Variants in CDC23 observed in about 807,000 individuals in gnomAD.
The protein encoded by CDC23 is cell division cycle 23.
CDC23 carries 26 observed loss-of-function variants against 81.7 expected under a neutral mutation model. The observed-to-expected ratio is 0.32, with a 90% CI of 0.23 to 0.44. The LOEUF (loss-of-function observed/expected upper bound fraction) is 0.44, where lower values mean the gene tolerates loss of function less well. CDC23 is among the 20% of genes least tolerant of loss of function. The pLI is 1.00. For missense variants in CDC23, 519 were observed against 728.0 expected (o/e 0.71, Z 3.30); for synonymous variants, 267 against 270.8 (o/e 0.99, Z 0.14).
At position 138,188,911 on chromosome 5, in the gene CDC23, G is replaced by A. The variant is rs1026259542; in HGVS notation, c.*67C>T. ...CTGAGGTCCTTGGAACAGACGTGCT[G>A]TTCTTTACATGGAGGTAAGGCTTAA... On this transcript the variant is annotated 3_prime_UTR_variant, in exon 16 of 16. Transcript: ENST00000394886. 2.7e-6 allele frequency: 4 copies of A among 1,503,036 alleles called. No individual in the cohort carries two copies. The African/African-American group carries it at 5.5e-5, about 21-fold the overall frequency. The allele number at this position is 1,503,036 out of a possible 1,614,324, so 93.1% of individuals were successfully genotyped here. A position where few individuals can be genotyped will look rare whatever the true frequency, so the allele number is the denominator to read the frequency against.
At chr5:138,200,120 T>C (rs1754969348) in intron 6 of CDC23, among the ~76,000 whole-genome samples, 1 of 152,088 alleles carries the variant, frequency 6.6e-6, no homozygotes, top group Non-Finnish European at 1.5e-5. Context: ...GCCTGAACAA[T>C]TTTTTGTTTG....
At chr5:138,191,961 T>C in intron 11 of CDC23, 24 bp from the exon 12 acceptor site, 1 of 1,603,286 alleles carries the variant, frequency 6.2e-7, no homozygotes, top group Non-Finnish European at 8.5e-7. Context: ...ACAGGCAGTC[T>C]GAGCAAAGAC....
chr5:138,195,805 ATATATACATATATATAATATATAT>A (rs1754897891), intron 9 of CDC23, among the ~76,000 whole-genome samples: 1 of 129,692 alleles, frequency 7.7e-6, no homozygotes, highest in Non-Finnish European at 1.6e-5. Flanking sequence ...ATATGTGTAT[ATATATACATATATATAATATATAT>A]TATATACATA....
intron 2 of CDC23, among the ~76,000 whole-genome samples, chr5:138,207,160 A>C (rs1169145955): frequency 3.9e-5 from 6 of 152,120 alleles, no homozygotes; most frequent in Non-Finnish European, 8.8e-5. Context: ...AATTACAGGT[A>C]TGAGCGACCG....
At chr5:138,212,600 G>A (rs2967787) in intron 2 of CDC23, among the ~76,000 whole-genome samples, 44,985 of 152,058 alleles carry the variant, frequency 0.3, 7,579 homozygotes, top group South Asian at 0.43. Context: ...ACAGGCGTGA[G>A]CCACCGCGCC....
At chr5:138,202,867 T>C (rs1327314071) in intron 3 of CDC23, among the ~76,000 whole-genome samples, 1 of 152,146 alleles carries the variant, frequency 6.6e-6, no homozygotes, top group Non-Finnish European at 1.5e-5. Flanking sequence ...TAACAATGAA[T>C]ACTAAATTTA....
At position 138,195,590 on chromosome 5, in the gene CDC23, AATATATATTATATATG is replaced by A. The variant is rs1561633972; in HGVS notation, c.1012+2593_1012+2608del. Among the ~76,000 whole-genome samples, 387 of 58,568 alleles carry A rather than the reference AATATATATTATATATG, an allele frequency of 6.6e-3. 3 individuals are homozygous for A. The highest frequency in any genetic ancestry group is 0.016 in the African/African-American group (375 of 22,796). The allele number at this position is 58,568 out of a possible 152,430, so 38.4% of individuals were successfully genotyped here. On this transcript the variant is annotated intron_variant, in intron 9 of 15. Transcript: ENST00000394886. ...TATTTATATATAATATATTATATAT[AATATATATTATATATG>A]ATATATTTATATATAAATATAAATA...
intron 6 of CDC23, 105 bp downstream of exon 6, chr5:138,201,002 G>T: frequency 7.9e-7 from 1 of 1,259,760 alleles, no homozygotes; most frequent in Non-Finnish European, 1.1e-6. Flanking sequence ...AGCAAAGGGA[G>T]AACTATAACC....
intron 3 of CDC23, among the ~76,000 whole-genome samples, chr5:138,203,428 C>T (rs922978474): frequency 1.3e-5 from 2 of 151,568 alleles, no homozygotes; most frequent in African/African-American, 4.9e-5. Flanking sequence ...AAAAAATACT[C>T]TATTGATTAA....
Position 138,192,519 on chromosome 5 carries a change from G to A in CDC23, c.1151C>T (p.Ala384Val). Residue 384 changes from alanine to valine, a missense_variant, in exon 10 of 16, where the codon GCT becomes GTT. Transcript: ENST00000394886. Reference sequence around the variant, plus strand: ...AGATAATCACCTATAAGCCTGGATAGCAGCAGACGTGTTCTTCATCTCCAT... The same window carrying A: ...AGATAATCACCTATAAGCCTGGATAACAGCAGACGTGTTCTTCATCTCCAT... ...EYMEMKNTSA[A>V]IQAYRHAIEV... The A allele has an allele frequency of 1.2e-6, 2 of 1,614,056 alleles. No homozygotes were observed. Among genetic ancestry groups the A allele is most frequent in the Non-Finnish European group, 1.7e-6 (2 of 1,179,988 alleles).
rs191902994 is a variant in CDC23 at position 138,189,039 on chromosome 5, G to T, written c.1733C>A (p.Ser578Tyr). 6.2e-7 allele frequency: 1 copy of T among 1,614,144 alleles called. No individual in the cohort carries two copies. Among genetic ancestry groups the T allele is most frequent in the African/African-American group, 1.3e-5 (1 of 75,052 alleles). The change falls in exon 16 of 16, where the codon TCT (serine) becomes TAT (tyrosine). Residue 578 changes from serine to tyrosine, a missense_variant. Around this residue, in one of 4 missense-constraint regions of CDC23, gnomAD observed 38 missense variants for 34.7 expected, o/e 1.10. Transcript: ENST00000394886. ...TCTGCGTGTGGGGGTATTGTTAGCAGAGAGTGAAGCAGGTAGGAAAAAGGG... is the reference window on the plus strand; with the variant it reads ...TCTGCGTGTGGGGGTATTGTTAGCATAGAGTGAAGCAGGTAGGAAAAAGGG... ...PAPFFLPASLSANNTPTRRVS... is the reference protein window; with the variant it reads ...PAPFFLPASLYANNTPTRRVS...
intron 9 of CDC23, among the ~76,000 whole-genome samples, chr5:138,197,490 T>C (rs1193635715): frequency 3.4e-5 from 5 of 148,278 alleles, no homozygotes; most frequent in African/African-American, 7.6e-5. Flanking sequence ...ATGTAATACA[T>C]ATTTATTTTT....
chr5:138,203,895 A>G (rs1755018307), intron 3 of CDC23, among the ~76,000 whole-genome samples: 1 of 152,088 alleles, frequency 6.6e-6, no homozygotes, highest in South Asian at 2.1e-4. Flanking sequence ...CCTGGGTGAC[A>G]GAGCTAGACT....
chr5:138,202,864 G>T (rs562768449), intron 3 of CDC23, among the ~76,000 whole-genome samples: 44 of 152,238 alleles, frequency 2.9e-4, no homozygotes, highest in African/African-American at 1.0e-3. Context: ...AATTAACAAT[G>T]AATACTAAAT....
chr5:138,205,403 A>G (rs898510249), intron 3 of CDC23, among the ~76,000 whole-genome samples: 23 of 152,200 alleles, frequency 1.5e-4, no homozygotes, highest in African/African-American at 5.5e-4. Context: ...GAAACTTGAC[A>G]GCATTATGGT....
chr5:138,198,933 A>G, intron 6 of CDC23, 151 bp from the exon 7 acceptor site: 1 of 740,486 alleles, frequency 1.4e-6, no homozygotes, highest in Non-Finnish European at 2.1e-6. Context: ...CAATTAACTG[A>G]ATATGACTTA....
intron 3 of CDC23, among the ~76,000 whole-genome samples, chr5:138,202,771 G>A (rs989991748): frequency 3.3e-5 from 5 of 152,172 alleles, no homozygotes; most frequent in South Asian, 2.1e-4. Context: ...AGAATGCCAA[G>A]CGTTGAGTAG....
intron 2 of CDC23, among the ~76,000 whole-genome samples, chr5:138,207,858 G>A (rs1160349730): frequency 1.3e-5 from 2 of 151,906 alleles, no homozygotes; most frequent in African/African-American, 4.8e-5. Flanking sequence ...TCGGGAGGCT[G>A]AGCCTTGCTG....
chr5:138,191,416 C>T, intron 13 of CDC23, 58 bp downstream of exon 13: 3 of 1,425,924 alleles, frequency 2.1e-6, no homozygotes, highest in East Asian at 2.3e-5. Flanking sequence ...CCATGCAGGA[C>T]CCACCATCCC....
Sources: gnomAD v4.1 joint callset for allele counts (sites outside exome capture counted in the v4.1 genomes callset) on GRCh38, gnomAD v4.1.1 for gene constraint, gnomAD v4.1.1 regional missense constraint, MANE v1.5 for transcripts, NCBI Gene and HGNC (gene_info 2026-07-23, HGNC 2026-07-21) for gene names.